TANC2: variants seen among roughly 807,000 people sequenced by gnomAD.
TANC2 encodes protein TANC2.
TANC2 carries 26 observed loss-of-function variants against 210.5 expected under a neutral mutation model. The ratio of observed to expected loss-of-function variants is 0.12; its 90% CI spans 0.09 to 0.17. The LOEUF is 0.17. TANC2 is among the 10% of genes least tolerant of loss of function. The pLI, the probability that TANC2 is intolerant of heterozygous loss-of-function variation, is 1.00. For synonymous variants in TANC2, 931 were observed against 967.1 expected (o/e 0.96, Z 0.69); for missense variants, 2,129 against 2,608.9 (o/e 0.82, Z 4.01).
chr17:63,220,844 A>G (rs1261453212), intron 7 of TANC2, among the ~76,000 whole-genome samples: 3 of 149,296 alleles, frequency 2.0e-5, no homozygotes, highest in South Asian at 2.1e-4. Context: ...ATATGTGTGT[A>G]TATACGTATA....
At chr17:62,967,799 T>C (rs923552603) in intron 1 of TANC2, 3 of 151,702 alleles carry the variant, frequency 2.0e-5, no homozygotes, top group African/African-American at 7.3e-5. Context: ...TACTAAAATA[T>C]TCTTGTATGT....
intron 5 of TANC2, among the ~76,000 whole-genome samples, chr17:63,169,816 AAATAAT>A (rs759782173): frequency 9.9e-5 from 15 of 151,420 alleles, no homozygotes; most frequent in African/African-American, 3.4e-4. Context: ...CCATCTCAAA[AAATAAT>A]AATAATAATA....
intron 1 of TANC2, among the ~76,000 whole-genome samples, chr17:63,003,811 GT>G (rs543375988): frequency 2.6e-5 from 4 of 151,794 alleles, no homozygotes; most frequent in African/African-American, 7.3e-5. Flanking sequence ...CCAAATATAT[GT>G]TTTTTTAAGT....
intron 12 of TANC2, among the ~76,000 whole-genome samples, chr17:63,342,754 C>T (rs1387788486): frequency 4.0e-5 from 6 of 151,356 alleles, no homozygotes; most frequent in East Asian, 1.9e-4. Flanking sequence ...CCAGCCTGGG[C>T]GACAGAGTGA....
At chr17:63,395,964 C>G in intron 18 of TANC2, 36 bp downstream of exon 18, 1 of 1,559,370 alleles carries the variant, frequency 6.4e-7, no homozygotes, top group Non-Finnish European at 8.7e-7. Context: ...TTTTCAAGCT[C>G]TGTATTGAAG....
intron 4 of TANC2, among the ~76,000 whole-genome samples, chr17:63,116,028 G>A (rs1420223779): frequency 6.6e-6 from 1 of 152,160 alleles, no homozygotes; most frequent in African/African-American, 2.4e-5. Flanking sequence ...AACTTTTCCA[G>A]AATTGGTATT....
At chr17:63,220,634 G>A (rs1449271021) in intron 7 of TANC2, among the ~76,000 whole-genome samples, 4 of 149,722 alleles carry the variant, frequency 2.7e-5, no homozygotes, top group Non-Finnish European at 5.9e-5. Flanking sequence ...AACCCGTGAG[G>A]CGGAGGTTGC....
chr17:63,106,141 G>A (rs75223213), intron 4 of TANC2, among the ~76,000 whole-genome samples: 10,314 of 151,534 alleles, frequency 0.068, 650 homozygotes, highest in African/African-American at 0.13. Context: ...GGAAAAAAGG[G>A]GGGGCCCTTA....
At chr17:63,226,725 A>G (rs574779471) in intron 7 of TANC2, among the ~76,000 whole-genome samples, 13 of 152,258 alleles carry the variant, frequency 8.5e-5, no homozygotes, top group Middle Eastern at 3.4e-3. Context: ...CCCTGCATGC[A>G]TTAGCTATTT....
intron 8 of TANC2, among the ~76,000 whole-genome samples, chr17:63,252,005 A>C (rs2146162264): frequency 6.6e-6 from 1 of 152,274 alleles, no homozygotes; most frequent in East Asian, 1.9e-4. Context: ...TATTTTACAA[A>C]CCACCAGCTT....
chr17:63,047,176 T>C (rs1172910208), intron 2 of TANC2, among the ~76,000 whole-genome samples: 1 of 152,218 alleles, frequency 6.6e-6, no homozygotes, highest in Non-Finnish European at 1.5e-5. Flanking sequence ...GTGTCTGCTT[T>C]AGACATCTGA....
intron 7 of TANC2, among the ~76,000 whole-genome samples, chr17:63,234,868 A>C (rs1311301960): frequency 6.6e-6 from 1 of 152,134 alleles, no homozygotes; most frequent in East Asian, 1.9e-4. Flanking sequence ...TCATCTGCAT[A>C]ATGAAGATAG....
intron 9 of TANC2, among the ~76,000 whole-genome samples, chr17:63,291,422 G>A (rs1217596785): frequency 6.6e-6 from 1 of 152,060 alleles, no homozygotes; most frequent in Non-Finnish European, 1.5e-5. Flanking sequence ...TCACAAATCC[G>A]TTTACTAAAC....
At chr17:63,029,159 A>G (rs543598625) in intron 2 of TANC2, among the ~76,000 whole-genome samples, 1 of 152,258 alleles carries the variant, frequency 6.6e-6, no homozygotes, top group African/African-American at 2.4e-5. Context: ...AGTTATCCTC[A>G]TATATTACAC....
intron 3 of TANC2, among the ~76,000 whole-genome samples, chr17:63,093,456 G>A (rs2037277543): frequency 6.6e-6 from 1 of 151,938 alleles, no homozygotes; most frequent in Non-Finnish European, 1.5e-5. Flanking sequence ...GCTCTAGACT[G>A]TTTCATTCAT....
intron 2 of TANC2, 97 bp from the exon 3 acceptor site, chr17:63,073,846 A>G (rs1205701529): frequency 4.0e-6 from 4 of 998,248 alleles, no homozygotes; most frequent in Non-Finnish European, 5.8e-6. Flanking sequence ...ATACAAATAA[A>G]TGATCGATAT....
At chr17:63,245,525 T>C (rs978371054) in intron 8 of TANC2, among the ~76,000 whole-genome samples, 2 of 152,020 alleles carry the variant, frequency 1.3e-5, no homozygotes, top group African/African-American at 4.8e-5. Flanking sequence ...CTGAACAACA[T>C]GGTGAAACCC....
intron 7 of TANC2, among the ~76,000 whole-genome samples, chr17:63,236,316 T>C (rs1365251380): frequency 6.6e-6 from 1 of 152,062 alleles, no homozygotes; most frequent in Non-Finnish European, 1.5e-5. Flanking sequence ...TTTATTTAAA[T>C]AGAGTTGTTG....
intron 2 of TANC2, among the ~76,000 whole-genome samples, chr17:63,024,183 T>G (rs2034459225): frequency 6.6e-6 from 1 of 152,138 alleles, no homozygotes; most frequent in Admixed American, 6.5e-5. Flanking sequence ...CAAGAAATAA[T>G]TCGGGGCTAG....
Sources: allele counts gnomAD v4.1 joint callset (sites outside exome capture counted in the v4.1 genomes callset), GRCh38; gene constraint gnomAD v4.1.1; transcripts MANE v1.5; gene names NCBI Gene and HGNC (gene_info 2026-07-23, HGNC 2026-07-21).